THRA: variants seen among roughly 807,000 people sequenced by gnomAD.
The protein encoded by THRA is EAR-7.
THRA carries 13 observed loss-of-function variants against 45.0 expected under a neutral mutation model. That is an observed-to-expected ratio of 0.29 (90% CI 0.19 to 0.46). The LOEUF (loss-of-function observed/expected upper bound fraction) is 0.46. Ranked by LOEUF, THRA falls within the 20% of genes least tolerant of loss-of-function variation. THRA has a pLI of 1.00. For missense variants in THRA, 278 were observed against 556.1 expected (o/e 0.50, Z 5.03); for synonymous variants, 195 against 214.0 (o/e 0.91, Z 0.78).
chr17:40,089,583 A>G lies in THRA; in HGVS notation c.*127A>G. 1 of 1,463,412 alleles carries G rather than the reference A, an allele frequency of 6.8e-7. No homozygotes were observed. The highest frequency in any genetic ancestry group is 9.0e-7 in the Non-Finnish European group (1 of 1,112,242). 90.7% of individuals were successfully genotyped at this position (1,463,412 alleles called of 1,614,324 possible). A position where few individuals can be genotyped will look rare whatever the true frequency, so the allele number is the denominator to read the frequency against. On this transcript the variant is annotated 3_prime_UTR_variant, in exon 9 of 9. Coordinates refer to ENST00000450525, the MANE Select transcript of THRA (RefSeq NM_199334.5). The surrounding 1 kb of genome is among the most constrained non-coding windows in gnomAD (Gnocchi z 6.1). ...CTTCCTCTCGTCCTTGGATAGATTCAGCTCCCACACACACACCCGCACTGC... is the reference window on the plus strand; with the variant it reads ...CTTCCTCTCGTCCTTGGATAGATTCGGCTCCCACACACACACCCGCACTGC...
In THRA at chr17:40,074,256, C is replaced by G; in HGVS notation, c.-233C>G. On this transcript the variant is annotated 5_prime_UTR_variant, in exon 2 of 9. Transcript: ENST00000450525. ...AGCACACAGCCCGGGACCCACAAAC[C>G]CAGCTTGCCCCCAGCCCTCCCACCT... The G allele has an allele frequency of 3.6e-6, 2 of 561,222 alleles. No individual in the cohort carries two copies. Among genetic ancestry groups the G allele is most frequent in the Non-Finnish European group, 3.2e-6 (1 of 311,608 alleles). The allele number at this position is 561,222 out of a possible 1,614,324, so 34.8% of individuals were successfully genotyped here.
rs1296408778 is a variant in THRA, at chr17:40,089,168, G to A, written c.983-38G>A. On this transcript the variant is annotated intron_variant, in intron 8 of 8. Transcript: ENST00000450525. The surrounding 1 kb of genome is among the most constrained non-coding windows in gnomAD (Gnocchi z 6.1). ...CACCCTCCCCATCTCCAGGCCTTCG[G>A]CCAGCCCCTCGCCCCTCACGCCCCT... 6.2e-7 allele frequency: 1 copy of A among 1,601,862 alleles called. No homozygotes were observed. The highest frequency in any genetic ancestry group is 1.3e-5 in the African/African-American group (1 of 74,438).
rs1987259721 is a variant in THRA at position 40,084,673 on chromosome 17, G to A, written c.434G>A (p.Arg145Gln). The A allele has an allele frequency of 1.9e-6, 3 of 1,614,020 alleles. No homozygotes were observed. The highest frequency in any genetic ancestry group is 2.5e-6 in the Non-Finnish European group (3 of 1,179,952). The stretch of plus-strand genomic sequence containing the variant: ...CTGATTGAGCAGAACCGGGAGCGGC[G>A]GCGGAAGGAGGAGATGATCCGATCA... ...RKLIEQNRER[R>Q]RKEEMIRSLQ... Residue 145 changes from arginine (R) to glutamine (Q), a missense_variant, in exon 6 of 9, where the codon CGG becomes CAG. By Grantham distance (43) the Arg-to-Gln change is conservative. Around this residue, in one of 6 missense-constraint regions of THRA, gnomAD observed 111 missense variants for 167.1 expected, o/e 0.66. Coordinates refer to ENST00000450525, the MANE Select transcript of THRA (RefSeq NM_199334.5).
chr17:40,064,222 G>A (rs1162255753), intron 1 of THRA, among the ~76,000 whole-genome samples: 4 of 152,046 alleles, frequency 2.6e-5, no homozygotes, highest in African/African-American at 7.3e-5. Flanking sequence ...AAGAGCATGG[G>A]GACCGATCCA....
chr17:40,084,387 C>T (rs758443965), intron 5 of THRA: 20 of 576,818 alleles, frequency 3.5e-5, no homozygotes, highest in Non-Finnish European at 5.0e-5. Flanking sequence ...TAGACCAGAA[C>T]ATGATATTCA....
chr17:40,088,099 T>C (rs1195668750), intron 7 of THRA, 143 bp from the exon 8 acceptor site: 29 of 1,117,616 alleles, frequency 2.6e-5, no homozygotes, highest in Non-Finnish European at 2.5e-6. Context: ...GAATAGGGCA[T>C]GCACATGGCC....
intron 2 of THRA, among the ~76,000 whole-genome samples, chr17:40,076,660 G>A (rs898261743): frequency 5.3e-5 from 8 of 152,100 alleles, no homozygotes; most frequent in South Asian, 2.1e-4. Flanking sequence ...GAATATGCTT[G>A]TGCCACAGCC....
intron 6 of THRA, among the ~76,000 whole-genome samples, chr17:40,085,327 C>T (rs1598396551): frequency 6.6e-6 from 1 of 152,156 alleles, no homozygotes; most frequent in Non-Finnish European, 1.5e-5. Flanking sequence ...AGAGATCCCA[C>T]CTCTATGAAT....
intron 4 of THRA, among the ~76,000 whole-genome samples, chr17:40,078,250 A>C (rs1987019136): frequency 1.3e-5 from 2 of 152,336 alleles, no homozygotes; most frequent in Admixed American, 1.3e-4. Context: ...AGGGAGGCCA[A>C]GGCGGGAGCA....
chr17:40,067,802 G>A (rs1462460930), intron 1 of THRA, among the ~76,000 whole-genome samples: 1 of 152,208 alleles, frequency 6.6e-6, no homozygotes, highest in Non-Finnish European at 1.5e-5. Flanking sequence ...AGGATCACTT[G>A]AGGCCAGTAG....
At position 40,091,032 on chromosome 17, in the gene THRA, A is replaced by G. The variant is rs1987515297; in HGVS notation, c.*1576A>G. The G allele has an allele frequency of 2.8e-5, 4 of 144,442 alleles. 1 individual carries two copies. The highest frequency in any genetic ancestry group is 6.0e-5 in the Non-Finnish European group (4 of 66,606). 8.9% of individuals were successfully genotyped at this position (144,442 alleles called of 1,614,324 possible). On this transcript the variant is annotated 3_prime_UTR_variant, in exon 9 of 9. Coordinates refer to ENST00000450525, the MANE Select transcript of THRA (RefSeq NM_199334.5). ...GAGGTGGGGTGGGACAGAGCAGACC[A>G]GAGGGTGCTGGGCTCAGGGCTGCAT...
At chr17:40,072,376 A>G (rs1330849771) in intron 1 of THRA, among the ~76,000 whole-genome samples, 4 of 152,092 alleles carry the variant, frequency 2.6e-5, no homozygotes, top group Non-Finnish European at 4.4e-5. Flanking sequence ...CTCTCTCAGC[A>G]TGCCCACTCC....
At position 40,081,385 on chromosome 17, in the gene THRA, A is replaced by G. The variant is rs561088470; in HGVS notation, c.223-2450A>G. 4.0e-5 allele frequency among the ~76,000 whole-genome samples: 6 copies of G among 151,898 alleles called. No individual in the cohort carries two copies. In the South Asian group the frequency reaches 1.2e-3, roughly 32 times the overall value. On this transcript the variant is annotated intron_variant, in intron 4 of 8. Transcript: ENST00000450525. ...AAGCAATCCTCCCACCTCAGCCTCC[A>G]GAGTAGCTGGGATTATAGGTGCACG...
chr17:40,080,430 A>AG (rs1987098410), intron 4 of THRA, among the ~76,000 whole-genome samples: 1 of 151,760 alleles, frequency 6.6e-6, no homozygotes, highest in Admixed American at 6.6e-5. Flanking sequence ...ACAAAAAAAA[A>AG]AAACGGAAAA....
chr17:40,093,601 C>G (rs1688242938), downstream of THRA: 5 of 760,002 alleles, frequency 6.6e-6, no homozygotes, highest in Non-Finnish European at 1.0e-5. The surrounding 1 kb of genome is among the most constrained non-coding windows in gnomAD (Gnocchi z 5.9). Flanking sequence ...ATGCCCTTCC[C>G]CCTTTCTCTG....
chr17:40,065,968 C>T lies in THRA; in HGVS notation c.-298+2876C>T, dbSNP rs535306758. Among the ~76,000 whole-genome samples, 8 of 152,328 alleles carry T rather than the reference C, an allele frequency of 5.3e-5. No homozygotes were observed. The South Asian group carries it at 1.7e-3, about 32-fold the overall frequency. ...GGGCAGTGGCGGGAGCTGGCAGGAC[C>T]CTGCTGAGTTGGGTCCACTGCAGGG... On this transcript the variant is annotated intron_variant, in intron 1 of 8. Transcript: ENST00000450525.
Position 40,090,746 on chromosome 17 carries a change from T to C in THRA, c.*1290T>C, listed in dbSNP as rs559387285. 2.6e-5 allele frequency: 4 copies of C among 152,374 alleles called. No homozygotes were observed. Among genetic ancestry groups the C allele is most frequent in the African/African-American group, 9.6e-5 (4 of 41,534 alleles). The allele number at this position is 152,374 out of a possible 1,614,324, so 9.4% of individuals were successfully genotyped here. ...ATGGGGGTGTTTAGATAAGTGACAC[T>C]TAGTTGGGGCCCCAGGGGAGGGGTG... On this transcript the variant is annotated 3_prime_UTR_variant, in exon 9 of 9. Transcript: ENST00000450525.
intron 6 of THRA, among the ~76,000 whole-genome samples, chr17:40,086,432 T>G (rs1025559179): frequency 2.6e-5 from 4 of 152,352 alleles, no homozygotes; most frequent in Admixed American, 2.6e-4. Flanking sequence ...AAATAAGACA[T>G]GTAAAACATG....
At chr17:40,086,673 T>A in intron 6 of THRA, 34 bp from the exon 7 acceptor site, 1 of 1,604,554 alleles carries the variant, frequency 6.2e-7, no homozygotes, top group Non-Finnish European at 8.5e-7. Context: ...GAAAGGGGTC[T>A]GCGGCCCCAG....
Sources: allele counts gnomAD v4.1 joint callset (sites outside exome capture counted in the v4.1 genomes callset), GRCh38; gene constraint gnomAD v4.1.1; regional missense constraint gnomAD v4.1.1; non-coding constraint Gnocchi (gnomAD v3.1); transcripts MANE v1.5; gene names NCBI Gene and HGNC (gene_info 2026-07-23, HGNC 2026-07-21).